SLC15A3: variants seen among roughly 807,000 people sequenced by gnomAD.
SLC15A3 encodes the protein solute carrier family 15 member 3, also known as osteoclast transporter.
Under a neutral mutation model 49.2 loss-of-function variants are expected in SLC15A3, and 39 were observed. The ratio of observed to expected loss-of-function variants is 0.79; its 90% CI spans 0.61 to 1.04. The LOEUF (loss-of-function observed/expected upper bound fraction) is 1.04, where lower values mean the gene tolerates loss of function less well. Among genes scored for constraint, SLC15A3 ranks in the 50% least tolerant of loss-of-function variants. SLC15A3 has a pLI of 0.00. For synonymous variants in SLC15A3, 339 were observed against 367.0 expected (o/e 0.92, Z 0.87); for missense variants, 758 against 794.8 (o/e 0.95, Z 0.56).
intron 7 of SLC15A3, chr11:60,937,664 C>A: frequency 1.4e-6 from 1 of 706,142 alleles, no homozygotes; most frequent in South Asian, 1.9e-5. Flanking sequence ...CCTTGGAGGT[C>A]CACTAAGTTC....
intron 2 of SLC15A3, among the ~76,000 whole-genome samples, chr11:60,945,960 T>C (rs577162104): frequency 6.6e-5 from 10 of 152,286 alleles, no homozygotes; most frequent in African/African-American, 2.2e-4. Flanking sequence ...CCATCTTCAC[T>C]GTCAAGACCC....
chr11:60,941,971 C>T (rs1856715866), intron 4 of SLC15A3, 64 bp downstream of exon 4: 1 of 1,486,340 alleles, frequency 6.7e-7, no homozygotes, highest in Non-Finnish European at 9.4e-7. Context: ...TTCATTTCCT[C>T]CTCTTCTCAG....
Sources: gnomAD v4.1 joint callset for allele counts (sites outside exome capture counted in the v4.1 genomes callset) on GRCh38, gnomAD v4.1.1 for gene constraint, MANE v1.5 for transcripts, NCBI Gene and HGNC (gene_info 2026-07-23, HGNC 2026-07-21) for gene names.